The following OTOA variants were observed in gnomAD, a reference collection of about 807,000 sequenced individuals.
The protein encoded by OTOA is cancer/testis antigen 108.
OTOA carries 70 observed loss-of-function variants against 110.8 expected under a neutral mutation model. The observed-to-expected ratio is 0.63, with a 90% CI of 0.52 to 0.77. The LOEUF (loss-of-function observed/expected upper bound fraction) is 0.77, where lower values mean the gene tolerates loss of function less well. Among genes scored for constraint, OTOA ranks in the 30% least tolerant of loss-of-function variants. OTOA has a pLI of 0.00. For synonymous variants in OTOA, 373 were observed against 431.5 expected (o/e 0.86, Z 1.68); for missense variants, 917 against 1,075.8 (o/e 0.85, Z 2.06).
At chr16:21,721,280 A>ACACAC (rs1567389816) in intron 17 of OTOA, 3 of 422,816 alleles carry the variant, frequency 7.1e-6, no homozygotes, top group Admixed American at 2.5e-5. Flanking sequence ...CACACACACA[A>ACACAC]ACAACCAATA....
intron 1 of OTOA, among the ~76,000 whole-genome samples, chr16:21,668,355 C>T (rs554357994): frequency 6.6e-5 from 10 of 152,196 alleles, no homozygotes; most frequent in East Asian, 1.9e-4. Flanking sequence ...AACAATCCTC[C>T]GCCTTGGCCT....
chr16:21,695,909 T>TTG, intron 9 of OTOA, among the ~76,000 whole-genome samples: 1 of 131,288 alleles, frequency 7.6e-6, no homozygotes, highest in South Asian at 2.4e-4. Context: ...TTTTTTTTTT[T>TTG]TCTGAGATGG....
intron 1 of OTOA, among the ~76,000 whole-genome samples, chr16:21,676,894 C>T (rs1966859129): frequency 6.6e-6 from 1 of 152,160 alleles, no homozygotes; most frequent in African/African-American, 2.4e-5. Flanking sequence ...GCCTTCCTTG[C>T]TCAGGGATCT....
chr16:21,711,881 T>A (rs1206546013), intron 13 of OTOA, among the ~76,000 whole-genome samples: 2 of 152,244 alleles, frequency 1.3e-5, no homozygotes, highest in Non-Finnish European at 2.9e-5. Context: ...AACATTTGTT[T>A]ATTTTTGGCT....
At chr16:21,759,798 G>A (rs1252407994) in intron 28 of OTOA, among the ~76,000 whole-genome samples, 1 of 152,032 alleles carries the variant, frequency 6.6e-6, no homozygotes, top group East Asian at 1.9e-4. Context: ...TACTAGGGAA[G>A]CTGAGGCAGA....
intron 9 of OTOA, among the ~76,000 whole-genome samples, chr16:21,694,740 G>T (rs528175649): frequency 1.3e-5 from 2 of 152,186 alleles, no homozygotes. Context: ...GATGGGGCTG[G>T]AGGATGGGGA....
chr16:21,678,784 C>G, intron 2 of OTOA, 131 bp from the exon 3 acceptor site: 1 of 1,256,796 alleles, frequency 8.0e-7, no homozygotes, highest in Non-Finnish European at 1.2e-6. Context: ...TCAGAGTGGA[C>G]AGTTATAATT....
chr16:21,715,175 T>A (rs1394940116), intron 14 of OTOA, 23 bp downstream of exon 14: 1 of 1,613,880 alleles, frequency 6.2e-7, no homozygotes, highest in Non-Finnish European at 8.5e-7. Context: ...TGTCTGGTGC[T>A]CAGCCACATG....
intron 20 of OTOA, chr16:21,729,526 A>T (rs1899041024): frequency 1.3e-5 from 2 of 152,188 alleles, no homozygotes; most frequent in African/African-American, 4.8e-5. Context: ...TATCATCCAT[A>T]GTCCATATTT....
At chr16:21,714,270 TC>T in intron 13 of OTOA, among the ~76,000 whole-genome samples, 1 of 145,906 alleles carries the variant, frequency 6.9e-6, no homozygotes, top group Admixed American at 6.9e-5. Flanking sequence ...TTTCTTTCTT[TC>T]TTTCCTCCTT....
chr16:21,710,253 A>T (rs1324615256), intron 13 of OTOA, 150 bp downstream of exon 13: 2 of 918,124 alleles, frequency 2.2e-6, no homozygotes, highest in Non-Finnish European at 3.3e-6. Context: ...GAAGTCCAAC[A>T]TCGAGGTGTC....
In OTOA at chr16:21,760,624, C is replaced by T; in HGVS notation, c.*84C>T. On this transcript the variant is annotated 3_prime_UTR_variant, in exon 29 of 29. Coordinates refer to ENST00000646100, the MANE Select transcript of OTOA (RefSeq NM_144672.4). Reference sequence around the variant, plus strand: ...AGGATGCTCCAGATGGTGGGACACCCTTCCCTGGATCCAGACCCTCATCTA... The same window carrying T: ...AGGATGCTCCAGATGGTGGGACACCTTTCCCTGGATCCAGACCCTCATCTA... 3.2e-6 allele frequency: 4 copies of T among 1,242,036 alleles called. 1 individual carries two copies. In the South Asian group the frequency reaches 4.9e-5, roughly 15 times the overall value. 76.9% of individuals were successfully genotyped at this position (1,242,036 alleles called of 1,614,324 possible). A position where few individuals can be genotyped will look rare whatever the true frequency, so the allele number is the denominator to read the frequency against.
At chr16:21,760,333 C>G (rs1731264403) in intron 28 of OTOA, 137 bp from the exon 29 acceptor site, 1 of 668,942 alleles carries the variant, frequency 1.5e-6, no homozygotes, top group Non-Finnish European at 2.7e-6. Flanking sequence ...GATCATTGTT[C>G]CCATTTAAGA....
chr16:21,706,190 C>T (rs577329402), intron 12 of OTOA, among the ~76,000 whole-genome samples: 1 of 152,204 alleles, frequency 6.6e-6, no homozygotes, highest in African/African-American at 2.4e-5. Flanking sequence ...TTCAGGAGCT[C>T]TTGGTTGAGG....
At chr16:21,718,284 CTGCCACCGAAGACTTCAAGATACTTT>C (rs1287025452) in intron 15 of OTOA, among the ~76,000 whole-genome samples, 3 of 152,128 alleles carry the variant, frequency 2.0e-5, no homozygotes, top group Non-Finnish European at 4.4e-5. Flanking sequence ...AAAATACATT[CTGCCACCGAAGACTTCAAGATACTTT>C]TGTCTCGGCC....
intron 1 of OTOA, among the ~76,000 whole-genome samples, chr16:21,666,168 A>G (rs1342472887): frequency 1.3e-5 from 2 of 151,698 alleles, no homozygotes; most frequent in African/African-American, 4.9e-5. Context: ...TTCCAACACC[A>G]AGCATTTGTA....
At chr16:21,717,171 G>T in intron 15 of OTOA, 124 bp downstream of exon 15, 1 of 1,364,798 alleles carries the variant, frequency 7.3e-7, no homozygotes, top group Non-Finnish European at 1.0e-6. Flanking sequence ...ATAGGAGGCA[G>T]AATAGTATAG....
chr16:21,673,340 T>A (rs1170047367), intron 1 of OTOA, among the ~76,000 whole-genome samples: 2 of 152,136 alleles, frequency 1.3e-5, no homozygotes, highest in African/African-American at 2.4e-5. Context: ...TGCACTCCTT[T>A]GTGTGTATAT....
At chr16:21,710,853 A>G (rs1801136048) in intron 13 of OTOA, among the ~76,000 whole-genome samples, 1 of 152,068 alleles carries the variant, frequency 6.6e-6, no homozygotes, top group African/African-American at 2.4e-5. Context: ...AAATACAAAA[A>G]TTAGCTGGGC....
Sources: gnomAD v4.1 joint callset for allele counts (sites outside exome capture counted in the v4.1 genomes callset) on GRCh38, gnomAD v4.1.1 for gene constraint, MANE v1.5 for transcripts, NCBI Gene and HGNC (gene_info 2026-07-23, HGNC 2026-07-21) for gene names.